Variants in COL12A1 observed in about 807,000 individuals in gnomAD.
COL12A1 encodes the protein collagen type XII alpha 1 chain.
A neutral mutation model predicts 349.7 loss-of-function variants in COL12A1; 114 were observed. The observed-to-expected ratio is 0.33, with a 90% confidence interval of 0.28 to 0.38. COL12A1 has a LOEUF of 0.38. COL12A1 is among the 10% of genes least tolerant of loss of function. COL12A1 has a pLI of 1.00. For synonymous variants in COL12A1, 1,369 were observed against 1,329.0 expected (o/e 1.03, Z -0.66); for missense variants, 3,284 against 3,756.9 (o/e 0.87, Z 3.29).
intron 49 of COL12A1, among the ~76,000 whole-genome samples, chr6:75,115,154 C>T (rs1398176926): frequency 6.6e-6 from 1 of 152,146 alleles, no homozygotes. Context: ...CTGTCCTGAG[C>T]TTACAATACC....
intron 39 of COL12A1, 60 bp downstream of exon 39, chr6:75,126,291 T>C (rs1344399265): frequency 4.5e-6 from 7 of 1,551,140 alleles, no homozygotes; most frequent in Admixed American, 1.8e-5. Flanking sequence ...AAAGAGAAAA[T>C]ACCCTCATAT....
chr6:75,183,668 A>C lies in COL12A1; in HGVS notation c.1289-16T>G. ...CGTGAGCATTCTGTAAAGAGAAAAA[A>C]AGTACATTAAACTTCAATACATATT... On this transcript the variant is annotated splice_polypyrimidine_tract_variant and intron_variant, in intron 9 of 65. Transcript: ENST00000322507. 1 of 1,579,446 alleles carries C rather than the reference A, an allele frequency of 6.3e-7. No individual in the cohort carries two copies.
At chr6:75,153,172 T>C (rs1388769198) in intron 17 of COL12A1, among the ~76,000 whole-genome samples, 2 of 152,106 alleles carry the variant, frequency 1.3e-5, no homozygotes, top group Admixed American at 1.3e-4. Flanking sequence ...ATAAAAATCA[T>C]GTAAATATAG....
At chr6:75,202,001 G>T (rs927138570) in intron 2 of COL12A1, among the ~76,000 whole-genome samples, 1 of 152,224 alleles carries the variant, frequency 6.6e-6, no homozygotes, top group Non-Finnish European at 1.5e-5. Context: ...TCCGGCGCGC[G>T]CTTGCTTCCC....
intron 14 of COL12A1, among the ~76,000 whole-genome samples, chr6:75,160,091 C>T (rs1767960892): frequency 6.6e-6 from 1 of 151,426 alleles, no homozygotes; most frequent in Non-Finnish European, 1.5e-5. Context: ...TTTCCCATAA[C>T]CAAAGAGCAA....
At chr6:75,193,087 AT>A (rs1770029930) in intron 3 of COL12A1, among the ~76,000 whole-genome samples, 1 of 152,148 alleles carries the variant, frequency 6.6e-6, no homozygotes, top group Admixed American at 6.6e-5. Flanking sequence ...ATTAGGAAAG[AT>A]AACAGGTGCA....
rs763341868 is a variant in COL12A1 at position 75,087,557 on chromosome 6, C to T, written c.9181+20G>A. 3.5e-5 allele frequency: 56 copies of T among 1,612,452 alleles called. No homozygotes were observed. On this transcript the variant is annotated intron_variant, in intron 65 of 65. Transcript: ENST00000322507. ...CTTTACTTCAGGTGAGTTGGGGTTCCTACAATGGCAACAACGTACCTGGAT... is the reference window on the plus strand; with the variant it reads ...CTTTACTTCAGGTGAGTTGGGGTTCTTACAATGGCAACAACGTACCTGGAT...
chr6:75,177,524 TC>T (rs1479626653), intron 12 of COL12A1, 138 bp downstream of exon 12: 1 of 976,422 alleles, frequency 1.0e-6, no homozygotes, highest in Non-Finnish European at 1.5e-6. Context: ...TTAACTTAAA[TC>T]TAAAAGGACT....
In COL12A1 at chr6:75,183,447, G is replaced by C. The variant is rs777711709; in HGVS notation, c.1494C>G (p.Thr498=). Residue 498 remains threonine, a synonymous_variant, in exon 10 of 66, where the codon ACC becomes ACG. Transcript: ENST00000322507. ...PHTEFTLKKF[T]KVEDIIEAIN... ...TTGCTTCAATTATATCTTCAACTTT[G>C]GTGAATTTTTTCAAAGTGAACTCAG... 3 of 1,614,120 alleles carry C rather than the reference G, an allele frequency of 1.9e-6. No homozygotes were observed. Among genetic ancestry groups the C allele is most frequent in the Admixed American group, 3.3e-5 (2 of 59,998 alleles).
At chr6:75,127,762 A>G (rs1468999830) in intron 38 of COL12A1, among the ~76,000 whole-genome samples, 1 of 152,194 alleles carries the variant, frequency 6.6e-6, no homozygotes, top group Non-Finnish European at 1.5e-5. Context: ...AGAAATTACC[A>G]CCAGTATAGT....
At chr6:75,171,009 A>G (rs1768604360) in intron 13 of COL12A1, among the ~76,000 whole-genome samples, 1 of 152,244 alleles carries the variant, frequency 6.6e-6, no homozygotes, top group Non-Finnish European at 1.5e-5. Flanking sequence ...ACAAGAAAAC[A>G]TATTATTCTT....
rs1298883426 is a variant in COL12A1, at chr6:75,131,933, T to C, written c.5937+7A>G. 6.2e-7 allele frequency: 1 copy of C among 1,613,124 alleles called. No homozygotes were observed. The highest frequency in any genetic ancestry group is 1.7e-5 in the Admixed American group (1 of 59,942). On this transcript the variant is annotated splice_region_variant and intron_variant, in intron 35 of 65. Coordinates refer to ENST00000322507, the MANE Select transcript of COL12A1 (RefSeq NM_004370.6). ...GGAAATGCAGTTTCCATGACAAAAT[T>C]ACTTACAGATTCTGAGGGTCTTGTG...
rs373409107 is a variant in COL12A1 at position 75,113,576 on chromosome 6, A to G, written c.7840+26T>C. The stretch of plus-strand genomic sequence containing the variant: ...AAAACATAATCAAAACTAAGTATGC[A>G]TGTGCCTTAAGATAAAAATTCTTAC... On this transcript the variant is annotated intron_variant, in intron 50 of 65. Coordinates refer to ENST00000322507, the MANE Select transcript of COL12A1 (RefSeq NM_004370.6). 3.8e-6 allele frequency: 6 copies of G among 1,592,454 alleles called. No homozygotes were observed. In the Admixed American group the frequency reaches 5.1e-5, roughly 13 times the overall value.
In COL12A1 at chr6:75,116,897, G is replaced by C. The variant is rs1049373981; in HGVS notation, c.7519+485C>G. Among the ~76,000 whole-genome samples the C allele has an allele frequency of 2.6e-5, 4 of 152,050 alleles. No homozygotes were observed. In the East Asian group the frequency reaches 7.7e-4, roughly 29 times the overall value. Reference sequence around the variant, plus strand: ...AAATCGACTTAAATAATCAATTTTTGGTTCTTCACTGTAGTTAAAAAGCTG... The same window carrying C: ...AAATCGACTTAAATAATCAATTTTTCGTTCTTCACTGTAGTTAAAAAGCTG... On this transcript the variant is annotated intron_variant, in intron 47 of 65. Transcript: ENST00000322507.
At chr6:75,189,531 A>T (rs1562309804) in intron 6 of COL12A1, 21 bp downstream of exon 6, 2 of 1,595,578 alleles carry the variant, frequency 1.3e-6, no homozygotes, top group Non-Finnish European at 8.5e-7. Context: ...TTTTAACTTT[A>T]AAAAAATCTG....
chr6:75,101,215 G>A (rs997462338), intron 58 of COL12A1, among the ~76,000 whole-genome samples: 1 of 152,220 alleles, frequency 6.6e-6, no homozygotes, highest in South Asian at 2.1e-4. Flanking sequence ...TGCTATGGGA[G>A]TCAAGGCTAC....
chr6:75,132,610 G>T (rs1233345626), intron 34 of COL12A1, among the ~76,000 whole-genome samples: 1 of 152,074 alleles, frequency 6.6e-6, no homozygotes, highest in African/African-American at 2.4e-5. Flanking sequence ...TTAATTAACT[G>T]CCCCAATAGG....
intron 12 of COL12A1, among the ~76,000 whole-genome samples, chr6:75,175,861 G>T (rs1053712945): frequency 6.6e-6 from 1 of 152,200 alleles, no homozygotes; most frequent in Non-Finnish European, 1.5e-5. Flanking sequence ...AATCCCGAGG[G>T]ACCACCCATC....
chr6:75,090,018 C>T lies in COL12A1; in HGVS notation c.8941+92G>A. The T allele has an allele frequency of 7.1e-7, 1 of 1,408,076 alleles. No homozygotes were observed. Among genetic ancestry groups the T allele is most frequent in the Non-Finnish European group, 9.9e-7 (1 of 1,014,940 alleles). The allele number at this position is 1,408,076 out of a possible 1,614,324, so 87.2% of individuals were successfully genotyped here. A position where few individuals can be genotyped will look rare whatever the true frequency, so the allele number is the denominator to read the frequency against. ...AACAAGACCAGGGAAAGCAGTTTGC[C>T]TAGGTCACCTTTCAGATGCCTTCAA... is the stretch of plus-strand genomic sequence containing the variant. On this transcript the variant is annotated intron_variant, in intron 63 of 65. Transcript: ENST00000322507. This position sits in a 1 kb window ranked among gnomAD's most constrained non-coding sequence, Gnocchi z 4.1.
Sources: gnomAD v4.1 joint callset for allele counts (sites outside exome capture counted in the v4.1 genomes callset) on GRCh38, gnomAD v4.1.1 for gene constraint, Gnocchi (gnomAD v3.1) non-coding constraint, MANE v1.5 for transcripts, NCBI Gene and HGNC (gene_info 2026-07-23, HGNC 2026-07-21) for gene names.